CYP7B1: variants seen among roughly 807,000 people sequenced by gnomAD.
CYP7B1 encodes cytochrome P450 7B1.
In CYP7B1, 29 loss-of-function variants were observed where a neutral mutation model predicts 42.7. The observed-to-expected ratio is 0.68, with a 90% CI of 0.51 to 0.93. CYP7B1 has a LOEUF of 0.93. CYP7B1 is among the 40% of genes least tolerant of loss of function. The probability of loss-of-function intolerance (pLI) is 0.00; values close to 1 mark genes in which losing one functional copy is unlikely to be tolerated. For missense variants in CYP7B1, 655 were observed against 600.5 expected (o/e 1.09, Z -0.95); for synonymous variants, 235 against 218.2 (o/e 1.08, Z -0.68).
chr8:64,772,057 C>G (rs2129645157), intron 1 of CYP7B1, among the ~76,000 whole-genome samples: 1 of 152,324 alleles, frequency 6.6e-6, no homozygotes, highest in East Asian at 1.9e-4. Context: ...ACCTTGCTTC[C>G]TATTTGATAA....
At chr8:64,669,792 C>A (rs1015098622) in intron 1 of CYP7B1, among the ~76,000 whole-genome samples, 9 of 151,578 alleles carry the variant, frequency 5.9e-5, no homozygotes, top group African/African-American at 2.2e-4. Context: ...CTTATGTAAT[C>A]ATTATTTTAA....
chr8:64,711,744 T>C (rs1332125073), intron 1 of CYP7B1, among the ~76,000 whole-genome samples: 3 of 152,160 alleles, frequency 2.0e-5, no homozygotes, highest in Non-Finnish European at 2.9e-5. Flanking sequence ...TAAAACAATA[T>C]AGAAATTGAA....
chr8:64,636,179 T>G (rs1221197162), intron 1 of CYP7B1, among the ~76,000 whole-genome samples: 1 of 152,200 alleles, frequency 6.6e-6, no homozygotes, highest in Admixed American at 6.5e-5. Flanking sequence ...ACCCTCATCC[T>G]TTCTCATGTG....
intron 1 of CYP7B1, among the ~76,000 whole-genome samples, chr8:64,770,560 T>C (rs1302889762): frequency 1.3e-5 from 2 of 152,194 alleles, no homozygotes; most frequent in African/African-American, 4.8e-5. Context: ...TCATCTACCA[T>C]AAAAATAAAA....
chr8:64,717,547 C>T (rs528849201), intron 1 of CYP7B1, among the ~76,000 whole-genome samples: 4 of 152,206 alleles, frequency 2.6e-5, no homozygotes, highest in Non-Finnish European at 5.9e-5. Context: ...CATTCGGATG[C>T]ACATCTCTAA....
At chr8:64,701,020 C>T (rs1806908341) in intron 1 of CYP7B1, among the ~76,000 whole-genome samples, 1 of 152,006 alleles carries the variant, frequency 6.6e-6, no homozygotes, top group African/African-American at 2.4e-5. Flanking sequence ...ATGAAAACTT[C>T]ACACATGCAT....
At chr8:64,762,682 T>C (rs553556175) in intron 1 of CYP7B1, among the ~76,000 whole-genome samples, 2 of 152,332 alleles carry the variant, frequency 1.3e-5, no homozygotes, top group African/African-American at 4.8e-5. Context: ...AAGAAAATCA[T>C]TTTTCATGGC....
At chr8:64,748,282 CAG>C (rs1807676074) in intron 1 of CYP7B1, among the ~76,000 whole-genome samples, 1 of 152,152 alleles carries the variant, frequency 6.6e-6, no homozygotes, top group African/African-American at 2.4e-5. Flanking sequence ...TGCACACAGA[CAG>C]ACACTCCCCC....
intron 1 of CYP7B1, among the ~76,000 whole-genome samples, chr8:64,750,716 TA>T (rs1219802253): frequency 6.6e-6 from 1 of 152,174 alleles, no homozygotes; most frequent in Non-Finnish European, 1.5e-5. Flanking sequence ...ATCAGTAACT[TA>T]ATACTGAGTT....
At chr8:64,783,317 T>C (rs1227325547) in intron 1 of CYP7B1, among the ~76,000 whole-genome samples, 2 of 152,170 alleles carry the variant, frequency 1.3e-5, no homozygotes, top group African/African-American at 4.8e-5. Flanking sequence ...ATAATTGACT[T>C]ATGTGATACA....
At chr8:64,627,455 T>C (rs948511831) in intron 1 of CYP7B1, among the ~76,000 whole-genome samples, 1 of 152,240 alleles carries the variant, frequency 6.6e-6, no homozygotes. Flanking sequence ...ACTCTCTTCC[T>C]TGGTCTACTT....
chr8:64,743,817 C>T (rs1263583957), intron 1 of CYP7B1, among the ~76,000 whole-genome samples: 1 of 152,124 alleles, frequency 6.6e-6, no homozygotes, highest in East Asian at 1.9e-4. Flanking sequence ...CTAATACATA[C>T]TAATATATTT....
chr8:64,749,271 G>A (rs1807693161), intron 1 of CYP7B1, among the ~76,000 whole-genome samples: 2 of 151,928 alleles, frequency 1.3e-5, no homozygotes, highest in Admixed American at 1.3e-4. Context: ...AGTAGAGACG[G>A]GGTTTCACCA....
chr8:64,758,447 C>CTAAAAAAATTAGGT (rs1807838818), intron 1 of CYP7B1, among the ~76,000 whole-genome samples: 1 of 152,130 alleles, frequency 6.6e-6, no homozygotes, highest in Non-Finnish European at 1.5e-5. Flanking sequence ...TGAAACATCT[C>CTAAAAAAATTAGGT]TCCTAACTTT....
chr8:64,636,604 T>C (rs1042533909), intron 1 of CYP7B1, among the ~76,000 whole-genome samples: 2 of 152,230 alleles, frequency 1.3e-5, no homozygotes, highest in South Asian at 4.1e-4. Context: ...ACTTTCTTTA[T>C]TTGCCTAATT....
At chr8:64,625,098 C>T (rs1173142731) in intron 1 of CYP7B1, among the ~76,000 whole-genome samples, 4 of 151,502 alleles carry the variant, frequency 2.6e-5, no homozygotes, top group East Asian at 1.9e-4. Context: ...CTCAGCCTCC[C>T]AAGTAGCTGG....
intron 1 of CYP7B1, among the ~76,000 whole-genome samples, chr8:64,722,614 G>A (rs1224313351): frequency 6.6e-6 from 1 of 151,754 alleles, no homozygotes; most frequent in Non-Finnish European, 1.5e-5. Context: ...ATAGTTCTGT[G>A]GGATATTTGC....
intron 1 of CYP7B1, among the ~76,000 whole-genome samples, chr8:64,637,489 G>A (rs1005337029): frequency 3.3e-5 from 5 of 152,132 alleles, no homozygotes; most frequent in African/African-American, 1.2e-4. Context: ...ATCAGTTCCT[G>A]ACTTTGGTGA....
chr8:64,676,280 C>T (rs1806444627), intron 1 of CYP7B1, among the ~76,000 whole-genome samples: 1 of 152,056 alleles, frequency 6.6e-6, no homozygotes, highest in Non-Finnish European at 1.5e-5. Flanking sequence ...GTGCTTTAGT[C>T]TCATGTGTAA....
Sources: gnomAD v4.1 joint callset for allele counts (sites outside exome capture counted in the v4.1 genomes callset) on GRCh38, gnomAD v4.1.1 for gene constraint, MANE v1.5 for transcripts, NCBI Gene and HGNC (gene_info 2026-07-23, HGNC 2026-07-21) for gene names.